AFF3: variants seen among roughly 807,000 people sequenced by gnomAD.
AFF3 encodes the protein AF4/FMR2 family member 3.
Under a neutral mutation model 129.7 loss-of-function variants are expected in AFF3, and 32 were observed. That is an observed-to-expected ratio of 0.25 (90% CI 0.19 to 0.33). The LOEUF is 0.33. Among genes scored for constraint, AFF3 ranks in the 10% least tolerant of loss-of-function variants. The probability of loss-of-function intolerance (pLI) is 1.00; values close to 1 mark genes in which losing one functional copy is unlikely to be tolerated. For missense variants in AFF3, 1,373 were observed against 1,592.0 expected, an observed-to-expected ratio of 0.86 and a Z score of 2.34; for synonymous variants, 644 against 635.4, an observed-to-expected ratio of 1.01 and a Z score of -0.20.
chr2:99,977,198 G>A (rs1445877950), intron 7 of AFF3, among the ~76,000 whole-genome samples: 2 of 152,170 alleles, frequency 1.3e-5, no homozygotes, highest in Non-Finnish European at 2.9e-5. Flanking sequence ...CCCTTCAGGC[G>A]TGTGAATCTA....
chr2:100,059,969 A>G (rs1489820699), intron 4 of AFF3, among the ~76,000 whole-genome samples: 1 of 142,306 alleles, frequency 7.0e-6, no homozygotes, highest in Non-Finnish European at 1.5e-5. Flanking sequence ...TCTGTGTAAC[A>G]ACAAACACAA....
At chr2:100,082,594 G>A (rs1366384989) in intron 4 of AFF3, among the ~76,000 whole-genome samples, 2 of 152,172 alleles carry the variant, frequency 1.3e-5, no homozygotes, top group African/African-American at 2.4e-5. Flanking sequence ...CATCAGTTAC[G>A]TTAAAGCTGT....
intron 7 of AFF3, among the ~76,000 whole-genome samples, chr2:99,924,001 G>T (rs115924011): frequency 6.6e-6 from 1 of 152,250 alleles, no homozygotes; most frequent in African/African-American, 2.4e-5. Context: ...CTGAGCAGAT[G>T]ACTTAATGCA....
At chr2:99,596,304 G>C (rs1679286353) in intron 14 of AFF3, among the ~76,000 whole-genome samples, 1 of 152,158 alleles carries the variant, frequency 6.6e-6, no homozygotes, top group Admixed American at 6.5e-5. Flanking sequence ...CCCTCCCATG[G>C]TCAGAGAAAG....
intron 7 of AFF3, among the ~76,000 whole-genome samples, chr2:99,949,568 C>G (rs918376524): frequency 4.6e-5 from 7 of 152,024 alleles, no homozygotes; most frequent in African/African-American, 1.7e-4. Context: ...CTAGATGGTC[C>G]CATCTGGGGT....
intron 7 of AFF3, among the ~76,000 whole-genome samples, chr2:99,858,393 A>G (rs1690688819): frequency 1.3e-5 from 2 of 151,824 alleles, no homozygotes; most frequent in Admixed American, 6.6e-5. Flanking sequence ...AAAAAAAAAA[A>G]AAAAAAAATT....
intron 2 of AFF3, among the ~76,000 whole-genome samples, chr2:100,123,200 C>A (rs947683020): frequency 6.6e-6 from 1 of 152,168 alleles, no homozygotes; most frequent in African/African-American, 2.4e-5. Context: ...ATAAATTATT[C>A]CCTCAATTTT....
intron 8 of AFF3, among the ~76,000 whole-genome samples, chr2:99,818,960 A>G (rs1369336125): frequency 1.3e-5 from 2 of 152,218 alleles, no homozygotes; most frequent in Non-Finnish European, 2.9e-5. Context: ...AAAGACATTT[A>G]AATAAGCACA....
chr2:100,016,086 G>GGTGGTA (rs1386442360), intron 4 of AFF3, among the ~76,000 whole-genome samples: 3 of 151,524 alleles, frequency 2.0e-5, no homozygotes, highest in Non-Finnish European at 1.5e-5. Context: ...TGGTGATGGT[G>GGTGGTA]GTGGTAGTGG....
chr2:99,811,348 T>C (rs1467572105), intron 8 of AFF3, among the ~76,000 whole-genome samples: 1 of 152,198 alleles, frequency 6.6e-6, no homozygotes, highest in East Asian at 1.9e-4. Flanking sequence ...TCAGCTACTT[T>C]GCAAGACAAG....
At chr2:100,090,709 CTGTGACACCCAGGCTGGAGTGCAATGG>C (rs1689784766) in intron 4 of AFF3, among the ~76,000 whole-genome samples, 1 of 152,102 alleles carries the variant, frequency 6.6e-6, no homozygotes, top group African/African-American at 2.4e-5. Context: ...AGGAGTCTCG[CTGTGACACCCAGGCTGGAGTGCAATGG>C]TGCGATCTAG....
intron 13 of AFF3, among the ~76,000 whole-genome samples, chr2:99,638,252 G>C (rs62154530): frequency 0.035 from 5,374 of 152,198 alleles, 117 homozygotes; most frequent in Non-Finnish European, 0.044. Flanking sequence ...TAGAGATGAA[G>C]TTTTACCATG....
At chr2:100,063,312 GT>G (rs1687457875) in intron 4 of AFF3, among the ~76,000 whole-genome samples, 1 of 150,706 alleles carries the variant, frequency 6.6e-6, no homozygotes, top group African/African-American at 2.4e-5. Flanking sequence ...GAAAAGAGCT[GT>G]GGAGATTGGC....
At chr2:100,128,759 C>A (rs148539036) in intron 2 of AFF3, among the ~76,000 whole-genome samples, 1 of 152,094 alleles carries the variant, frequency 6.6e-6, no homozygotes, top group East Asian at 1.9e-4. Flanking sequence ...AGAACTCTTT[C>A]AAAAAGGAAT....
At chr2:100,105,959 T>C (rs1691266467) in intron 2 of AFF3, 2 of 1,327,368 alleles carry the variant, frequency 1.5e-6, no homozygotes, top group Non-Finnish European at 2.0e-6. Context: ...TGACTGGGGC[T>C]GCCAGAAATG....
intron 4 of AFF3, among the ~76,000 whole-genome samples, chr2:100,053,425 C>A (rs1243084199): frequency 1.3e-5 from 2 of 152,346 alleles, no homozygotes; most frequent in East Asian, 3.9e-4. Flanking sequence ...CAATTAATAT[C>A]ATTTTCCTCC....
intron 18 of AFF3, among the ~76,000 whole-genome samples, chr2:99,576,728 C>A (rs577926710): frequency 6.6e-6 from 1 of 152,280 alleles, no homozygotes; most frequent in East Asian, 1.9e-4. Context: ...GGGTCTAATG[C>A]TCCTTCTGTT....
chr2:99,565,389 G>C, intron 20 of AFF3, 98 bp downstream of exon 20: 2 of 1,497,388 alleles, frequency 1.3e-6, no homozygotes, highest in African/African-American at 2.8e-5. Flanking sequence ...GGTTCCTGGT[G>C]GGGGATGGTG....
At chr2:99,636,590 G>C (rs1002045350) in intron 13 of AFF3, among the ~76,000 whole-genome samples, 9 of 152,216 alleles carry the variant, frequency 5.9e-5, no homozygotes, top group Admixed American at 5.9e-4. Context: ...AGTCTGTTCA[G>C]AATTTGGCGG....
Sources: gnomAD v4.1 joint callset for allele counts (sites outside exome capture counted in the v4.1 genomes callset) on GRCh38, gnomAD v4.1.1 for gene constraint, MANE v1.5 for transcripts, NCBI Gene and HGNC (gene_info 2026-07-23, HGNC 2026-07-21) for gene names.